PAH: variants seen among roughly 807,000 people sequenced by gnomAD.
The protein encoded by PAH is phenylalanine hydroxylase.
Under a neutral mutation model 62.0 loss-of-function variants are expected in PAH, and 64 were observed. The observed-to-expected ratio is 1.03, with a 90% CI of 0.84 to 1.27. The LOEUF is 1.27. Ranked by LOEUF, PAH falls within the 50% of genes most tolerant of loss-of-function variation. The pLI, the probability that PAH is intolerant of heterozygous loss-of-function variation, is 0.00. For synonymous variants in PAH, 195 were observed against 196.2 expected, an observed-to-expected ratio of 0.99 and a Z score of 0.05; for missense variants, 579 against 542.8, an observed-to-expected ratio of 1.07 and a Z score of -0.66.
chr12:102,875,616 G>A (rs758613648), intron 4 of PAH, among the ~76,000 whole-genome samples: 2 of 152,174 alleles, frequency 1.3e-5, no homozygotes, highest in Non-Finnish European at 2.9e-5. Flanking sequence ...CAGGGCTCCT[G>A]GGAGTAGGCT....
intron 1 of PAH, chr12:102,913,804 C>T: frequency 1.4e-6 from 1 of 702,042 alleles, no homozygotes; most frequent in Non-Finnish European, 2.6e-6. Flanking sequence ...GCACTTACTA[C>T]ATGCATGTGA....
At position 102,840,763 on chromosome 12, in the gene PAH, G is replaced by A. The variant is rs1874560765; in HGVS notation, c.1200-248C>T. On this transcript the variant is annotated intron_variant, in intron 11 of 12. Coordinates refer to ENST00000553106, the MANE Select transcript of PAH (RefSeq NM_000277.3). ...TGTTTATTTAGTCCCCTGGCTCCAA[G>A]AAGACAGAGATAGCTTACAATGAAA... 1.3e-5 allele frequency among the ~76,000 whole-genome samples: 2 copies of A among 152,154 alleles called. 1 individual carries two copies. The highest frequency in any genetic ancestry group is 6.8e-3 in the Middle Eastern group (2 of 294).
At chr12:102,929,262 A>G (rs1318931474) in intron 1 of PAH, among the ~76,000 whole-genome samples, 1 of 152,192 alleles carries the variant, frequency 6.6e-6, no homozygotes, top group East Asian at 1.9e-4. Context: ...CATTAGTCAA[A>G]TCACAGGAAT....
At chr12:102,931,670 C>G (rs1024103745) in intron 1 of PAH, among the ~76,000 whole-genome samples, 2 of 152,192 alleles carry the variant, frequency 1.3e-5, no homozygotes, top group Non-Finnish European at 2.9e-5. Flanking sequence ...TGGGGAGAGT[C>G]AGTTGCCCCT....
At chr12:102,954,222 A>G (rs1230019042), upstream of PAH, among the ~76,000 whole-genome samples, 1 of 152,192 alleles carries the variant, frequency 6.6e-6, no homozygotes, top group Non-Finnish European at 1.5e-5. Flanking sequence ...AAATCGGGTT[A>G]CTATCTCCAT....
intron 2 of PAH, among the ~76,000 whole-genome samples, chr12:102,895,720 G>T (rs1376269549): frequency 1.3e-5 from 2 of 151,792 alleles, no homozygotes; most frequent in East Asian, 3.9e-4. Context: ...ATGGTGGTGT[G>T]TGCCTGTAAT....
At chr12:102,875,959 C>T (rs78559403) in intron 4 of PAH, among the ~76,000 whole-genome samples, 16 of 94,174 alleles carry the variant, frequency 1.7e-4, no homozygotes, top group African/African-American at 4.7e-4. Flanking sequence ...ATAGACAGAG[C>T]GAGAAAGGAG....
intron 4 of PAH, among the ~76,000 whole-genome samples, chr12:102,870,139 T>TTG (rs962085800): frequency 6.6e-6 from 1 of 152,004 alleles, no homozygotes; most frequent in African/African-American, 2.4e-5. Context: ...GAGGTATAAT[T>TTG]TGTGTGTGTG....
chr12:102,895,584 C>T (rs745505883), intron 2 of PAH, among the ~76,000 whole-genome samples: 3 of 152,042 alleles, frequency 2.0e-5, no homozygotes. Flanking sequence ...CTGTGGCTCA[C>T]GCCTGTAATC....
At chr12:102,876,620 G>A (rs113857491) in intron 4 of PAH, among the ~76,000 whole-genome samples, 7,462 of 152,326 alleles carry the variant, frequency 0.049, 208 homozygotes, top group African/African-American at 0.055. Context: ...AGATGAAGGA[G>A]TCATTTGCCT....
At chr12:102,905,036 A>C (rs1004756436) in intron 2 of PAH, among the ~76,000 whole-genome samples, 2 of 152,176 alleles carry the variant, frequency 1.3e-5, no homozygotes, top group African/African-American at 4.8e-5. Flanking sequence ...CGCTTTCTCA[A>C]AGATTCCTGA....
chr12:102,929,397 G>A (rs1176962917), intron 1 of PAH, among the ~76,000 whole-genome samples: 3 of 152,118 alleles, frequency 2.0e-5, no homozygotes, highest in Non-Finnish European at 2.9e-5. Context: ...GAAAAGGGAA[G>A]GGAAGAACCT....
At chr12:102,906,490 T>C (rs1877982458) in intron 2 of PAH, among the ~76,000 whole-genome samples, 1 of 152,134 alleles carries the variant, frequency 6.6e-6, no homozygotes, top group South Asian at 2.1e-4. Context: ...TAAAATATGA[T>C]ACACAGATAT....
chr12:102,885,218 C>A (rs1876982860), intron 3 of PAH, among the ~76,000 whole-genome samples: 1 of 152,196 alleles, frequency 6.6e-6, no homozygotes, highest in African/African-American at 2.4e-5. Context: ...GGGATAGTCA[C>A]TTTTTAACCT....
At chr12:102,897,314 A>C (rs1194340576) in intron 2 of PAH, among the ~76,000 whole-genome samples, 1 of 152,014 alleles carries the variant, frequency 6.6e-6, no homozygotes, top group Non-Finnish European at 1.5e-5. Context: ...ACTGCTGATG[A>C]CACTAAACAT....
At chr12:102,841,377 C>T (rs1272951058) in intron 11 of PAH, among the ~76,000 whole-genome samples, 2 of 152,138 alleles carry the variant, frequency 1.3e-5, no homozygotes, top group South Asian at 2.1e-4. Context: ...TACAATGTTA[C>T]GGGAGACAGT....
At chr12:102,913,583 G>C (rs7138986) in intron 1 of PAH, among the ~76,000 whole-genome samples, 1 of 151,938 alleles carries the variant, frequency 6.6e-6, no homozygotes, top group Non-Finnish European at 1.5e-5. Flanking sequence ...ATATTGAGAA[G>C]TATATAAAAA....
chr12:102,946,667 C>T (rs1879508948), intron 1 of PAH: 1 of 152,694 alleles, frequency 6.5e-6, no homozygotes, highest in Non-Finnish European at 1.5e-5. Flanking sequence ...ATCAGCAATT[C>T]AAGACTGTCT....
At chr12:102,933,731 A>G (rs576872984) in intron 1 of PAH, among the ~76,000 whole-genome samples, 81 of 152,112 alleles carry the variant, frequency 5.3e-4, no homozygotes, top group African/African-American at 2.0e-3. Context: ...CCTGTTTTCC[A>G]TTTATATGTT....
Sources: allele counts gnomAD v4.1 joint callset (sites outside exome capture counted in the v4.1 genomes callset), GRCh38; gene constraint gnomAD v4.1.1; transcripts MANE v1.5; gene names NCBI Gene and HGNC (gene_info 2026-07-23, HGNC 2026-07-21).